The following XPR1 variants were observed in gnomAD, a reference collection of about 807,000 sequenced individuals.
The protein encoded by XPR1 is xenotropic and polytropic retrovirus receptor 1, also known as solute carrier family 53 member 1.
In XPR1, 28 loss-of-function variants were observed where a neutral mutation model predicts 87.5. The ratio of observed to expected loss-of-function variants is 0.32; its 90% CI spans 0.24 to 0.44. XPR1 has a LOEUF of 0.44. Ranked by LOEUF, XPR1 falls within the 20% of genes least tolerant of loss-of-function variation. The pLI is 1.00. For synonymous variants in XPR1, 300 were observed against 306.1 expected (o/e 0.98, Z 0.21); for missense variants, 559 against 862.3 (o/e 0.65, Z 4.41).
intron 2 of XPR1, among the ~76,000 whole-genome samples, chr1:180,718,738 G>A (rs912448337): frequency 6.8e-6 from 1 of 147,476 alleles, no homozygotes; most frequent in Non-Finnish European, 1.5e-5. Context: ...GCGCAATCTC[G>A]GCTCACCGCA....
chr1:180,713,907 G>C (rs146885647), intron 2 of XPR1, among the ~76,000 whole-genome samples: 1 of 152,024 alleles, frequency 6.6e-6, no homozygotes, highest in Non-Finnish European at 1.5e-5. Context: ...TGAAAAGAAA[G>C]AATTCTTTTC....
At chr1:180,772,378 A>C (rs1225663702) in intron 2 of XPR1, among the ~76,000 whole-genome samples, 1 of 152,154 alleles carries the variant, frequency 6.6e-6, no homozygotes, top group East Asian at 1.9e-4. Context: ...TATTTGGAGA[A>C]TGTTATTTAG....
intron 1 of XPR1, among the ~76,000 whole-genome samples, chr1:180,642,185 T>C (rs1446359076): frequency 6.6e-6 from 1 of 152,168 alleles, no homozygotes; most frequent in African/African-American, 2.4e-5. Context: ...ATGCTGAGGC[T>C]TGAGGGGTCA....
chr1:180,806,811 A>G (rs1650007918), intron 6 of XPR1, among the ~76,000 whole-genome samples: 1 of 152,122 alleles, frequency 6.6e-6, no homozygotes, highest in African/African-American at 2.4e-5. Flanking sequence ...GGTATCATCA[A>G]ATGATTAAGA....
At chr1:180,781,400 A>G (rs1335458262) in intron 2 of XPR1, among the ~76,000 whole-genome samples, 1 of 151,974 alleles carries the variant, frequency 6.6e-6, no homozygotes, top group African/African-American at 2.4e-5. Context: ...CATTAAAGAT[A>G]TTTGATGGTG....
At chr1:180,864,800 G>A (rs1233963733) in intron 12 of XPR1, among the ~76,000 whole-genome samples, 1 of 152,094 alleles carries the variant, frequency 6.6e-6, no homozygotes, top group Non-Finnish European at 1.5e-5. Context: ...ATTAAACAAT[G>A]AACTGGTAAT....
intron 7 of XPR1, among the ~76,000 whole-genome samples, chr1:180,823,269 A>G (rs1650706312): frequency 6.6e-6 from 1 of 152,060 alleles, no homozygotes; most frequent in Non-Finnish European, 1.5e-5. Context: ...TTTGTATGTA[A>G]TTAAATTCCA....
chr1:180,692,511 G>T (rs1657025966), intron 2 of XPR1, among the ~76,000 whole-genome samples: 1 of 152,070 alleles, frequency 6.6e-6, no homozygotes, highest in South Asian at 2.1e-4. Flanking sequence ...TTTCTGAAGG[G>T]TGTGCCTTAT....
intron 2 of XPR1, among the ~76,000 whole-genome samples, chr1:180,682,659 T>C (rs961801183): frequency 6.6e-6 from 1 of 152,104 alleles, no homozygotes; most frequent in Non-Finnish European, 1.5e-5. Context: ...GAATCGTATA[T>C]ATTGGTTTAG....
intron 1 of XPR1, among the ~76,000 whole-genome samples, chr1:180,669,250 G>A (rs1164844115): frequency 2.0e-5 from 3 of 151,986 alleles, no homozygotes; most frequent in Admixed American, 6.6e-5. Context: ...ATCTATTATT[G>A]GTCGAGAGAT....
chr1:180,797,009 G>T (rs1249570061), intron 3 of XPR1, among the ~76,000 whole-genome samples: 1 of 152,124 alleles, frequency 6.6e-6, no homozygotes, highest in Non-Finnish European at 1.5e-5. Context: ...GGGGTAGGGG[G>T]TGGAAGTGGG....
intron 9 of XPR1, among the ~76,000 whole-genome samples, chr1:180,831,148 G>C (rs563871723): frequency 1.1e-4 from 16 of 152,176 alleles, no homozygotes; most frequent in Non-Finnish European, 1.5e-4. Context: ...GCATGCCTCA[G>C]ATGGAGTACC....
intron 2 of XPR1, among the ~76,000 whole-genome samples, chr1:180,690,369 C>G (rs568667119): frequency 6.6e-6 from 1 of 152,156 alleles, no homozygotes; most frequent in African/African-American, 2.4e-5. Flanking sequence ...CATGGAGAGT[C>G]TTTTGTTTCT....
At chr1:180,806,340 T>C in intron 5 of XPR1, 129 bp downstream of exon 5, 1 of 1,470,092 alleles carries the variant, frequency 6.8e-7, no homozygotes, top group Non-Finnish European at 9.2e-7. Context: ...CCTGTGATTT[T>C]TTTTCATTTT....
intron 1 of XPR1, among the ~76,000 whole-genome samples, chr1:180,645,428 G>A (rs868645753): frequency 2.3e-4 from 35 of 152,212 alleles, no homozygotes; most frequent in South Asian, 4.1e-4. Flanking sequence ...TTTGAATGCA[G>A]CCACTTTATC....
chr1:180,684,017 T>C (rs562844799), intron 2 of XPR1, among the ~76,000 whole-genome samples: 1 of 152,226 alleles, frequency 6.6e-6, no homozygotes, highest in East Asian at 1.9e-4. Context: ...TTTTGGTGTT[T>C]TAGACATGAA....
intron 9 of XPR1, among the ~76,000 whole-genome samples, chr1:180,827,237 G>A (rs181084338): frequency 6.8e-6 from 1 of 146,596 alleles, no homozygotes; most frequent in Non-Finnish European, 1.5e-5. Flanking sequence ...TGTTCCTCCC[G>A]CCTTGGCCTC....
chr1:180,687,491 A>G (rs1440995432), intron 2 of XPR1, among the ~76,000 whole-genome samples: 1 of 152,178 alleles, frequency 6.6e-6, no homozygotes, highest in Non-Finnish European at 1.5e-5. Context: ...AACATACTAT[A>G]AAACTAGTTT....
At chr1:180,774,051 G>C (rs1648616688) in intron 2 of XPR1, among the ~76,000 whole-genome samples, 1 of 151,974 alleles carries the variant, frequency 6.6e-6, no homozygotes, top group Non-Finnish European at 1.5e-5. Flanking sequence ...GTATGATTCT[G>C]TGATGTATTT....
Sources: gnomAD v4.1 joint callset for allele counts (sites outside exome capture counted in the v4.1 genomes callset) on GRCh38, gnomAD v4.1.1 for gene constraint, MANE v1.5 for transcripts, NCBI Gene and HGNC (gene_info 2026-07-23, HGNC 2026-07-21) for gene names.